TEX14: variants seen among roughly 807,000 people sequenced by gnomAD.
The protein encoded by TEX14 is inactive serine/threonine-protein kinase TEX14.
Under a neutral mutation model 178.6 loss-of-function variants are expected in TEX14, and 168 were observed. The observed-to-expected ratio is 0.94, with a 90% CI of 0.83 to 1.07. The LOEUF (loss-of-function observed/expected upper bound fraction) is 1.07, where lower values mean the gene tolerates loss of function less well. Ranked by LOEUF, TEX14 falls within the 50% of genes least tolerant of loss-of-function variation. The pLI is 0.00. For missense variants in TEX14, 1,730 were observed against 1,753.6 expected, an observed-to-expected ratio of 0.99 and a Z score of 0.24; for synonymous variants, 626 against 634.1, an observed-to-expected ratio of 0.99 and a Z score of 0.19.
At chr17:58,661,370 T>G in intron 1 of TEX14, 1 of 923,186 alleles carries the variant, frequency 1.1e-6, no homozygotes, top group East Asian at 2.4e-5. Context: ...GTACTTCAGG[T>G]CGGTGGAAGT....
intron 2 of TEX14, among the ~76,000 whole-genome samples, chr17:58,640,227 C>A (rs530979367): frequency 3.8e-4 from 57 of 151,666 alleles, no homozygotes; most frequent in Middle Eastern, 6.8e-3. Flanking sequence ...ACGAGAAACA[C>A]TTGAACCCAG....
At position 58,599,287 on chromosome 17, in the gene TEX14, T is replaced by C. The variant is rs1273506631; in HGVS notation, c.2058A>G (p.Thr686=). Residue 686 remains threonine, a synonymous_variant, in exon 14 of 32, where the codon ACA becomes ACG. Coordinates refer to ENST00000349033, the MANE Select transcript of TEX14 (RefSeq NM_031272.5). ...AGTCCCAGTCATCAAAAGAGTACTC[T>C]GTCTCAGCTTTTGAAGAGCTCTCAT... The part of the protein sequence containing the change: ...SEDESSSKAE[T]EYSFDDWDWQ... 1 of 1,613,388 alleles carries C rather than the reference T, an allele frequency of 6.2e-7. No homozygotes were observed. Among genetic ancestry groups the C allele is most frequent in the African/African-American group, 1.3e-5 (1 of 75,034 alleles).
In TEX14 at chr17:58,587,628, G is replaced by A; in HGVS notation, c.2741C>T (p.Ala914Val). The A allele has an allele frequency of 1.9e-6, 3 of 1,607,810 alleles. No homozygotes were observed. The highest frequency in any genetic ancestry group is 2.5e-6 in the Non-Finnish European group (3 of 1,177,756). The part of the protein sequence containing the change: ...VEPVSSEIYN[A>V]ESRNKDDGKV... ...TCCATCATCTTTATTTCTGGACTCT[G>A]CATTATAGATTTCAGAAGAAACAGG... The change falls in exon 17 of 32, where the codon GCA becomes GTA. Residue 914 changes from alanine to valine, a missense_variant. Around this residue, in one of 2 missense-constraint regions of TEX14, gnomAD observed 941 missense variants for 1,072.4 expected, o/e 0.88. Transcript: ENST00000349033.
intron 2 of TEX14, among the ~76,000 whole-genome samples, chr17:58,640,908 C>G (rs1463656812): frequency 1.3e-5 from 2 of 151,958 alleles, no homozygotes; most frequent in Non-Finnish European, 2.9e-5. Flanking sequence ...TTTGTAGAGA[C>G]AAGTTTTCAC....
chr17:58,581,064 G>C (rs999176052), intron 19 of TEX14, among the ~76,000 whole-genome samples: 2 of 152,158 alleles, frequency 1.3e-5, no homozygotes, highest in Non-Finnish European at 2.9e-5. Flanking sequence ...TGTAATCCCA[G>C]CATTTTGGGA....
At chr17:58,666,619 G>C (rs540671241) in intron 1 of TEX14, 1 of 152,116 alleles carries the variant, frequency 6.6e-6, no homozygotes, top group African/African-American at 2.4e-5. Flanking sequence ...GTAGGGATCA[G>C]CACAAAGTGC....
intron 1 of TEX14, among the ~76,000 whole-genome samples, chr17:58,689,309 C>T (rs1475484930): frequency 6.6e-6 from 1 of 152,008 alleles, no homozygotes; most frequent in East Asian, 1.9e-4. Context: ...CAACCTCTGC[C>T]TCCTGGGTTC....
At position 58,599,481 on chromosome 17, in the gene TEX14, T is replaced by G; in HGVS notation, c.1864A>C (p.Ile622Leu). Reference protein sequence around the residue: ...TGQPSLCSFEINEIYSGCLIL... With the variant: ...TGQPSLCSFELNEIYSGCLIL... The stretch of plus-strand genomic sequence containing the variant: ...AAGCAGCCTGAGTAGATCTCGTTGA[T>G]TTCGAAACTGCAGAGGCTTGGCTGA... The change falls in exon 14 of 32, where the codon ATC becomes CTC. Residue 622 changes from isoleucine (I) to leucine (L), a missense_variant. By Grantham distance (5) the Ile-to-Leu change is conservative. Coordinates refer to ENST00000349033, the MANE Select transcript of TEX14 (RefSeq NM_031272.5). 1.2e-6 allele frequency: 2 copies of G among 1,613,864 alleles called. No homozygotes were observed. The highest frequency in any genetic ancestry group is 1.1e-5 in the South Asian group (1 of 91,066).
At chr17:58,564,829 A>G (rs940860984) in intron 28 of TEX14, 40 bp downstream of exon 28, 23 of 1,295,494 alleles carry the variant, frequency 1.8e-5, no homozygotes, top group Non-Finnish European at 2.1e-5. Flanking sequence ...AAACTATACA[A>G]TTTTTTAAAT....
intron 3 of TEX14, among the ~76,000 whole-genome samples, chr17:58,626,500 G>A (rs997135817): frequency 6.7e-6 from 1 of 149,294 alleles, no homozygotes; most frequent in African/African-American, 2.5e-5. Context: ...AACCCTGTAG[G>A]CAGAGGCTGC....
At chr17:58,655,717 G>A (rs1309437637) in intron 1 of TEX14, among the ~76,000 whole-genome samples, 1 of 152,146 alleles carries the variant, frequency 6.6e-6, no homozygotes, top group African/African-American at 2.4e-5. Flanking sequence ...TCAGAACCCT[G>A]ACATTTCGGC....
intron 1 of TEX14, among the ~76,000 whole-genome samples, chr17:58,658,727 G>T (rs1015928472): frequency 9.2e-5 from 14 of 152,006 alleles, no homozygotes; most frequent in Non-Finnish European, 1.8e-4. Context: ...TAGCAAACTG[G>T]TAAATTTATC....
Position 58,584,590 on chromosome 17 carries a change from G to A in TEX14, c.3081C>T (p.His1027=), listed in dbSNP as rs988249999. ...PRLGSFTSIR[H]PSPRQKEQPE... Reference sequence around the variant, plus strand: ...GTTGCTCCTTTTGTCTGGGAGATGGGTGCCTGATACCTAATGATTGTAACA... The same window carrying A: ...GTTGCTCCTTTTGTCTGGGAGATGGATGCCTGATACCTAATGATTGTAACA... The change falls in exon 19 of 32, where the codon CAC becomes CAT. Residue 1027 remains histidine, a synonymous_variant. Transcript: ENST00000349033. 1.9e-6 allele frequency: 3 copies of A among 1,613,398 alleles called. No homozygotes were observed. The highest frequency in any genetic ancestry group is 2.5e-6 in the Non-Finnish European group (3 of 1,179,478).
At chr17:58,648,786 C>CTTTTTTTT (rs34918333) in intron 2 of TEX14, among the ~76,000 whole-genome samples, 15 of 89,694 alleles carry the variant, frequency 1.7e-4, no homozygotes, top group South Asian at 3.8e-4. Context: ...CTTTTTTTTT[C>CTTTTTTTT]TTTTTTTTTT....
chr17:58,571,237 T>TTC (rs1361892247), intron 24 of TEX14, among the ~76,000 whole-genome samples: 2 of 143,584 alleles, frequency 1.4e-5, no homozygotes, highest in Non-Finnish European at 3.0e-5. Context: ...TTTCTTTTCT[T>TTC]TTTTTTTTTT....
chr17:58,593,780 ATTTTCCTT>A, intron 14 of TEX14, 119 bp from the exon 15 acceptor site: 1 of 824,826 alleles, frequency 1.2e-6, no homozygotes, highest in Non-Finnish European at 1.9e-6. Flanking sequence ...ACCTACCAGG[ATTTTCCTT>A]TGCATGTTTC....
At chr17:58,607,903 G>A (rs1032953049) in intron 10 of TEX14, among the ~76,000 whole-genome samples, 3 of 152,186 alleles carry the variant, frequency 2.0e-5, no homozygotes, top group Non-Finnish European at 4.4e-5. Flanking sequence ...CAAGGCAGGA[G>A]GACTGCCTGA....
chr17:58,608,339 C>A (rs2045661566), intron 10 of TEX14, among the ~76,000 whole-genome samples: 1 of 151,828 alleles, frequency 6.6e-6, no homozygotes, highest in South Asian at 2.1e-4. Flanking sequence ...ATGGCGAGAA[C>A]CCAGGAGGCG....
chr17:58,652,168 T>G (rs796178979), intron 1 of TEX14, among the ~76,000 whole-genome samples, 166 bp from the exon 2 acceptor site: 1 of 152,202 alleles, frequency 6.6e-6, no homozygotes, highest in South Asian at 2.1e-4. Flanking sequence ...CTCAGTGTTA[T>G]CGCTGAAATT....
Sources: allele counts gnomAD v4.1 joint callset (sites outside exome capture counted in the v4.1 genomes callset), GRCh38; gene constraint gnomAD v4.1.1; regional missense constraint gnomAD v4.1.1; transcripts MANE v1.5; gene names NCBI Gene and HGNC (gene_info 2026-07-23, HGNC 2026-07-21).